Variants in PCDHGA8 observed in about 807,000 individuals in gnomAD.
PCDHGA8 encodes protocadherin gamma-A8.
PCDHGA8 carries 45 observed loss-of-function variants against 59.2 expected under a neutral mutation model. The ratio of observed to expected loss-of-function variants is 0.76; its 90% CI spans 0.60 to 0.98. The LOEUF is 0.98. Ranked by LOEUF, PCDHGA8 falls within the 50% of genes least tolerant of loss-of-function variation. The pLI is 0.00. For missense variants in PCDHGA8, 1,257 were observed against 1,196.2 expected (o/e 1.05, Z -0.75); for synonymous variants, 531 against 519.0 (o/e 1.02, Z -0.32).
In PCDHGA8 at chr5:141,421,044, C is replaced by A. The variant is rs556562994; in HGVS notation, c.2424+25807C>A. 5.5e-6 allele frequency: 3 copies of A among 548,610 alleles called. No individual in the cohort carries two copies. In the South Asian group the frequency reaches 8.2e-5, roughly 15 times the overall value. The allele number at this position is 548,610 out of a possible 1,614,324, so 34.0% of individuals were successfully genotyped here. A position where few individuals can be genotyped will look rare whatever the true frequency, so the allele number is the denominator to read the frequency against. ...CGCGCCATTGAGTCCCTCCCTCCCCCGCCTCTACCACACAAAGCGGAATGA... is the reference window on the plus strand; with the variant it reads ...CGCGCCATTGAGTCCCTCCCTCCCCAGCCTCTACCACACAAAGCGGAATGA... On this transcript the variant is annotated intron_variant, in intron 1 of 3. Transcript: ENST00000398604.
intron 1 of PCDHGA8, chr5:141,410,694 T>C: frequency 6.7e-7 from 1 of 1,493,788 alleles, no homozygotes; most frequent in Non-Finnish European, 8.9e-7. Context: ...TACTACTTTA[T>C]TTTCATATCT....
chr5:141,408,378 T>C lies in PCDHGA8; in HGVS notation c.2424+13141T>C, dbSNP rs1369625426. 28 of 1,613,884 alleles carry C rather than the reference T, an allele frequency of 1.7e-5. No homozygotes were observed. The South Asian group carries it at 3.0e-4, about 17-fold the overall frequency. The stretch of plus-strand genomic sequence containing the variant: ...GCTAAGGATCTAGGGCTCAGTGTCC[T>C]GGATGTGTCGGCTCGCAAGCTGCGA... On this transcript the variant is annotated intron_variant, in intron 1 of 3. Transcript: ENST00000398604.
chr5:141,491,982 T>G lies in PCDHGA8; in HGVS notation c.2425-2825T>G. On this transcript the variant is annotated intron_variant, in intron 1 of 3. Coordinates refer to ENST00000398604, the MANE Select transcript of PCDHGA8 (RefSeq NM_032088.2). This position sits in a 1 kb window ranked among gnomAD's most constrained non-coding sequence, Gnocchi z 6.9. Reference sequence around the variant, plus strand: ...AAAAGGCCGGGGCCTCCTTCGAGCTTCCGGTGAATTTCGGGCGATTTCCGC... The same window carrying G: ...AAAAGGCCGGGGCCTCCTTCGAGCTGCCGGTGAATTTCGGGCGATTTCCGC... The G allele has an allele frequency of 2.6e-6, 2 of 759,438 alleles. No homozygotes were observed. Among genetic ancestry groups the G allele is most frequent in the East Asian group, 3.2e-5 (1 of 31,728 alleles). The allele number at this position is 759,438 out of a possible 1,614,324, so 47.0% of individuals were successfully genotyped here. A position where few individuals can be genotyped will look rare whatever the true frequency, so the allele number is the denominator to read the frequency against.
chr5:141,395,074 C>G lies in PCDHGA8; in HGVS notation c.2261C>G (p.Ser754Cys). Residue 754 changes from serine to cysteine, a missense_variant, in exon 1 of 4, where the codon TCC (serine) becomes TGC (cysteine). Ser to Cys is a moderately radical substitution (Grantham distance 112, BLOSUM62 -1). Transcript: ENST00000398604. ...GTACAGGCTTTCCTGCAGACCTATT[C>G]CCAGGAAGTCTCCCTCACCGCCGAC... Reference protein sequence around the residue: ...EEVQAFLQTYSQEVSLTADSR... With the variant: ...EEVQAFLQTYCQEVSLTADSR... 1 of 1,614,166 alleles carries G rather than the reference C, an allele frequency of 6.2e-7. No individual in the cohort carries two copies. Among genetic ancestry groups the G allele is most frequent in the East Asian group, 2.2e-5 (1 of 44,886 alleles).
chr5:141,405,822 T>C (rs1055689569), intron 1 of PCDHGA8, among the ~76,000 whole-genome samples: 2 of 151,888 alleles, frequency 1.3e-5, no homozygotes, highest in African/African-American at 4.8e-5. Flanking sequence ...CTGTCTGTAC[T>C]TAAGGTAGTA....
At chr5:141,454,964 C>T (rs1283179107) in intron 1 of PCDHGA8, among the ~76,000 whole-genome samples, 10 of 151,622 alleles carry the variant, frequency 6.6e-5, no homozygotes, top group African/African-American at 2.4e-4. Flanking sequence ...CCGGCCACCA[C>T]GCCTGGCTAA....
At chr5:141,423,066 C>T (rs1375575018) in intron 1 of PCDHGA8, 2 of 1,614,002 alleles carry the variant, frequency 1.2e-6, no homozygotes, top group South Asian at 1.1e-5. Context: ...TTAAGGCCAG[C>T]GAGCCGGGAC....
rs1417059875 is a variant in PCDHGA8 at position 141,496,499 on chromosome 5, G to C, written c.2483+1634G>C. 2.6e-5 allele frequency among the ~76,000 whole-genome samples: 4 copies of C among 152,102 alleles called. No individual in the cohort carries two copies. In the East Asian group the frequency reaches 7.7e-4, roughly 29 times the overall value. On this transcript the variant is annotated intron_variant, in intron 2 of 3. Coordinates refer to ENST00000398604, the MANE Select transcript of PCDHGA8 (RefSeq NM_032088.2). ...TCCTGCAACCAACCAAACCCTTGTT[G>C]CCACAAGGACCCAGGAGCCCTTGGT...
rs764976894 is a variant in PCDHGA8, at chr5:141,476,238, G to T, written c.2425-18569G>T. On this transcript the variant is annotated intron_variant, in intron 1 of 3. Transcript: ENST00000398604. The surrounding 1 kb of genome is among the most constrained non-coding windows in gnomAD (Gnocchi z 7.6). ...ATTCACTATGAGATCCCGGAGGAAA[G>T]AGAGAAGGGTTTCGCTGTGGGCAAC... is the stretch of plus-strand genomic sequence containing the variant. The T allele has an allele frequency of 3.1e-6, 5 of 1,614,098 alleles. No individual in the cohort carries two copies. The highest frequency in any genetic ancestry group is 4.2e-6 in the Non-Finnish European group (5 of 1,180,012).
chr5:141,400,524 G>T, intron 1 of PCDHGA8: 1 of 1,613,920 alleles, frequency 6.2e-7, no homozygotes, highest in Non-Finnish European at 8.5e-7. Flanking sequence ...ATCCTGAGTT[G>T]GTGAGTTTCA....
intron 1 of PCDHGA8, chr5:141,413,858 G>T: frequency 6.2e-7 from 1 of 1,613,258 alleles, no homozygotes; most frequent in Non-Finnish European, 8.5e-7. Context: ...CTCCGATCTG[G>T]CACTGTCCTT....
rs771459458 is a variant in PCDHGA8 at position 141,394,997 on chromosome 5, C to A, written c.2184C>A (p.Ser728=). Residue 728 remains serine, a synonymous_variant, in exon 1 of 4, where the codon TCC becomes TCA. Coordinates refer to ENST00000398604, the MANE Select transcript of PCDHGA8 (RefSeq NM_032088.2). The stretch of plus-strand genomic sequence containing the variant: ...ACAAGTCACGCCTGCTCCAGGATTC[C>A]GGTGGCAGATTGGTAGGCGTGCCTG... The part of the protein sequence containing the change: ...RWHKSRLLQD[S]GGRLVGVPAS... 4 of 1,614,016 alleles carry A rather than the reference C, an allele frequency of 2.5e-6. No individual in the cohort carries two copies. In the South Asian group the frequency reaches 3.3e-5, roughly 13 times the overall value.
rs574905149 is a variant in PCDHGA8 at position 141,400,501 on chromosome 5, G to C, written c.2424+5264G>C. 1 of 1,613,878 alleles carries C rather than the reference G, an allele frequency of 6.2e-7. No homozygotes were observed. The highest frequency in any genetic ancestry group is 1.7e-5 in the Admixed American group (1 of 60,012). On this transcript the variant is annotated intron_variant, in intron 1 of 3. Transcript: ENST00000398604. ...CTTATTTCCACTTTGTAATTCCAGC[G>C]AGTCGACTTCCCATCCTGAGTTGGT...
At chr5:141,474,745 C>T (rs935430941) in intron 1 of PCDHGA8, among the ~76,000 whole-genome samples, 2 of 152,174 alleles carry the variant, frequency 1.3e-5, no homozygotes, top group East Asian at 3.9e-4. Context: ...AAGTGATGTC[C>T]AAGACAAATA....
Position 141,489,652 on chromosome 5 carries a change from C to T in PCDHGA8, c.2425-5155C>T, listed in dbSNP as rs767143028. The T allele has an allele frequency of 3.1e-6, 5 of 1,614,024 alleles. No individual in the cohort carries two copies. Among genetic ancestry groups the T allele is most frequent in the Non-Finnish European group, 4.2e-6 (5 of 1,180,026 alleles). ...CTCTCCTAGCTTTGCCACCCCTGAG[C>T]GAGAGATGCGCATCTCAGAATCAGC... On this transcript the variant is annotated intron_variant, in intron 1 of 3. Coordinates refer to ENST00000398604, the MANE Select transcript of PCDHGA8 (RefSeq NM_032088.2). The surrounding 1 kb of genome is among the most constrained non-coding windows in gnomAD (Gnocchi z 4.5).
chr5:141,433,328 G>A (rs965877578), intron 1 of PCDHGA8: 3 of 724,464 alleles, frequency 4.1e-6, no homozygotes, highest in African/African-American at 3.6e-5. Context: ...GGTGTAACAG[G>A]GACTACAGGT....
At chr5:141,410,440 G>C in intron 1 of PCDHGA8, 1 of 1,614,036 alleles carries the variant, frequency 6.2e-7, no homozygotes, top group Non-Finnish European at 8.5e-7. Context: ...ACAGTGAGGG[G>C]ACTTTGCCTT....
At chr5:141,403,163 A>G (rs1357883715) in intron 1 of PCDHGA8, 1 of 1,614,052 alleles carries the variant, frequency 6.2e-7, no homozygotes, top group Admixed American at 1.7e-5. Context: ...CTCTAGAGGT[A>G]GGACGCAGCT....
At chr5:141,498,971 G>GGGAGGGAAGGAAGGAA (rs2099787588) in intron 2 of PCDHGA8, among the ~76,000 whole-genome samples, 1 of 110,970 alleles carries the variant, frequency 9.0e-6, no homozygotes, top group African/African-American at 3.6e-5. Flanking sequence ...GAGGGAGGGA[G>GGGAGGGAAGGAAGGAA]GGAAGGAAGG....
Sources: allele counts gnomAD v4.1 joint callset (sites outside exome capture counted in the v4.1 genomes callset), GRCh38; gene constraint gnomAD v4.1.1; non-coding constraint Gnocchi (gnomAD v3.1); transcripts MANE v1.5; gene names NCBI Gene and HGNC (gene_info 2026-07-23, HGNC 2026-07-21).